RORA: variants seen among roughly 807,000 people sequenced by gnomAD.
The protein encoded by RORA is RAR related orphan receptor A, also known as nuclear receptor ROR-alpha.
A neutral mutation model predicts 69.5 loss-of-function variants in RORA; 7 were observed. The observed-to-expected ratio is 0.10, with a 90% CI of 0.06 to 0.19. RORA has a LOEUF of 0.19. Ranked by LOEUF, RORA falls within the 10% of genes least tolerant of loss-of-function variation. RORA has a pLI of 1.00. For missense variants in RORA, 457 were observed against 663.0 expected (o/e 0.69, Z 3.41); for synonymous variants, 261 against 240.8 (o/e 1.08, Z -0.78).
chr15:60,503,300 A>T (rs1463169618), intron 7 of RORA, among the ~76,000 whole-genome samples: 1 of 152,158 alleles, frequency 6.6e-6, no homozygotes, highest in African/African-American at 2.4e-5. Context: ...AAAATTTGGG[A>T]ATGTAGGTGA....
At chr15:61,040,163 T>TAAAA (rs1381690492) in intron 1 of RORA, among the ~76,000 whole-genome samples, 2 of 108,966 alleles carry the variant, frequency 1.8e-5, no homozygotes, top group East Asian at 5.5e-4. Flanking sequence ...TATATATATA[T>TAAAA]AAAATATATG....
intron 1 of RORA, among the ~76,000 whole-genome samples, chr15:60,948,720 C>G (rs770299752): frequency 7.9e-5 from 12 of 152,184 alleles, no homozygotes; most frequent in Non-Finnish European, 1.8e-4. Context: ...ACATTTGGAT[C>G]TTCCAATTCT....
chr15:60,639,583 C>T (rs2241794), intron 2 of RORA, among the ~76,000 whole-genome samples: 1,534 of 152,204 alleles, frequency 0.01, 40 homozygotes, highest in East Asian at 0.088. Context: ...TGAGAGATTT[C>T]GAACATTGAA....
At chr15:60,885,671 C>T (rs1356626570) in intron 1 of RORA, among the ~76,000 whole-genome samples, 3 of 152,214 alleles carry the variant, frequency 2.0e-5, no homozygotes, top group Non-Finnish European at 4.4e-5. Flanking sequence ...ATCGACAGAA[C>T]ACAACTTGTA....
At position 61,005,955 on chromosome 15, in the gene RORA, GTTTGT is replaced by G. The variant is rs143947688; in HGVS notation, c.166+223093_166+223097del. Among the ~76,000 whole-genome samples, 149 of 151,560 alleles carry G rather than the reference GTTTGT, an allele frequency of 9.8e-4. 1 individual carries two copies. The highest frequency in any genetic ancestry group is 2.1e-3 in the East Asian group (11 of 5,130). ...AGCCATATATATATATTTTTTGTTTGTTTGTTTTGTTTTGTTTTGTTTTGTTTTTT... is the reference window on the plus strand; with the variant it reads ...AGCCATATATATATATTTTTTGTTTGTTTGTTTTGTTTTGTTTTGTTTTTT... On this transcript the variant is annotated intron_variant, in intron 1 of 10. Transcript: ENST00000335670.
Position 60,792,528 on chromosome 15 carries a change from C to T in RORA, c.167-113842G>A, listed in dbSNP as rs1282585229. On this transcript the variant is annotated intron_variant, in intron 1 of 10. Transcript: ENST00000335670. ...CAAACCACAGTCAATTTTCTGAAGT[C>T]GAAAGATAAAGAGAACATCAAAAAA... 3.3e-5 allele frequency among the ~76,000 whole-genome samples: 5 copies of T among 152,032 alleles called. No homozygotes were observed. The East Asian group carries it at 5.8e-4, about 18-fold the overall frequency.
At chr15:60,917,683 T>C (rs1425148450) in intron 1 of RORA, among the ~76,000 whole-genome samples, 1 of 152,228 alleles carries the variant, frequency 6.6e-6, no homozygotes, top group East Asian at 1.9e-4. Flanking sequence ...AGTGTACTCT[T>C]GGCTGATTTA....
Position 60,502,843 on chromosome 15 carries a change from C to T in RORA, c.1100G>A (p.Arg367Lys). 6.2e-7 allele frequency: 1 copy of T among 1,613,620 alleles called. No individual in the cohort carries two copies. Among genetic ancestry groups the T allele is most frequent in the Non-Finnish European group, 8.5e-7 (1 of 1,179,572 alleles). The change falls in exon 8 of 11, where the codon AGA (arginine) becomes AAA (lysine). Residue 367 changes from arginine to lysine, a missense_variant. This residue lies in a region of RORA where 304 missense variants were observed against 447.4 expected (regional missense o/e 0.68). Coordinates refer to ENST00000335670, the MANE Select transcript of RORA (RefSeq NM_134261.3). The stretch of plus-strand genomic sequence containing the variant: ...CTGAGAGTCAAAGGCACGGCACATT[C>T]TGATAAACACCACCTCTAGAGAACC... ...KAGSLEVVFI[R>K]MCRAFDSQNN...
At chr15:60,558,294 A>G in intron 2 of RORA, 1 of 1,611,598 alleles carries the variant, frequency 6.2e-7, no homozygotes, top group Non-Finnish European at 8.5e-7. Context: ...GGAGAATCCC[A>G]AAAAGTTCAT....
Position 60,948,993 on chromosome 15 carries a change from T to C in RORA, c.167-270307A>G, listed in dbSNP as rs559729835. Reference sequence around the variant, plus strand: ...CAAACAGGAAACAGGCAGAGTTGAGTAGAAGTATATTCTGAGCGGTGGACA... The same window carrying C: ...CAAACAGGAAACAGGCAGAGTTGAGCAGAAGTATATTCTGAGCGGTGGACA... On this transcript the variant is annotated intron_variant, in intron 1 of 10. Coordinates refer to ENST00000335670, the MANE Select transcript of RORA (RefSeq NM_134261.3). Among the ~76,000 whole-genome samples the C allele has an allele frequency of 3.3e-5, 5 of 152,260 alleles. 1 individual carries two copies. The highest frequency in any genetic ancestry group is 1.2e-4 in the African/African-American group (5 of 41,548).
chr15:60,505,594 C>G lies in RORA; in HGVS notation c.856G>C (p.Glu286Gln). 1 of 1,613,930 alleles carries G rather than the reference C, an allele frequency of 6.2e-7. No individual in the cohort carries two copies. Among genetic ancestry groups the G allele is most frequent in the Non-Finnish European group, 8.5e-7 (1 of 1,179,900 alleles). ...TCTTCTCTCAAGTATTGGCAGGTTT[C>G]CAGATGCGATTTAGATATATTCTGT... ...LAQNISKSHL[E>Q]TCQYLREELQ... Residue 286 changes from glutamate to glutamine, a missense_variant, in exon 6 of 11, where the codon GAA (glutamate) becomes CAA (glutamine). This residue lies in a region of RORA where 304 missense variants were observed against 447.4 expected (regional missense o/e 0.68). Transcript: ENST00000335670.
intron 2 of RORA, among the ~76,000 whole-genome samples, chr15:60,646,878 G>A (rs961787445): frequency 5.9e-5 from 9 of 152,168 alleles, no homozygotes; most frequent in East Asian, 1.9e-4. Context: ...GATAATGACC[G>A]GCTTCACAGG....
At chr15:61,142,104 C>A (rs1250390068) in intron 1 of RORA, among the ~76,000 whole-genome samples, 2 of 152,110 alleles carry the variant, frequency 1.3e-5, no homozygotes, top group Admixed American at 6.5e-5. Context: ...ATAACAGTAA[C>A]AATCTTAATT....
intron 1 of RORA, among the ~76,000 whole-genome samples, chr15:61,108,957 G>A (rs2078977403): frequency 6.6e-6 from 1 of 152,128 alleles, no homozygotes; most frequent in South Asian, 2.1e-4. Flanking sequence ...CCAGCGCTTT[G>A]GGAGGCCAAG....
At chr15:60,559,159 AATTT>A (rs1294150303) in intron 2 of RORA, among the ~76,000 whole-genome samples, 1 of 152,194 alleles carries the variant, frequency 6.6e-6, no homozygotes, top group African/African-American at 2.4e-5. Flanking sequence ...TTCTCGAAAA[AATTT>A]ATTAGACACT....
intron 1 of RORA, among the ~76,000 whole-genome samples, chr15:61,017,070 T>A (rs1489397025): frequency 6.6e-6 from 1 of 152,154 alleles, no homozygotes; most frequent in African/African-American, 2.4e-5. Context: ...ATAAACAACA[T>A]CCAAACGAAT....
At chr15:60,745,668 C>G (rs2071636964) in intron 1 of RORA, among the ~76,000 whole-genome samples, 1 of 152,222 alleles carries the variant, frequency 6.6e-6, no homozygotes, top group African/African-American at 2.4e-5. Context: ...TGGCCTGTGT[C>G]TAAACCTCTT....
intron 1 of RORA, among the ~76,000 whole-genome samples, chr15:60,791,107 G>C (rs60429076): frequency 6.6e-6 from 1 of 152,072 alleles, no homozygotes; most frequent in Non-Finnish European, 1.5e-5. Context: ...AGAATCAAAC[G>C]TACATAAAAC....
chr15:60,943,939 AAG>A (rs1555396327), intron 1 of RORA, among the ~76,000 whole-genome samples: 88 of 143,150 alleles, frequency 6.1e-4, no homozygotes, highest in Non-Finnish European at 1.1e-3. Flanking sequence ...AAAAAAAAAA[AAG>A]TGAGTAATGG....
Sources: gnomAD v4.1 joint callset for allele counts (sites outside exome capture counted in the v4.1 genomes callset) on GRCh38, gnomAD v4.1.1 for gene constraint, gnomAD v4.1.1 regional missense constraint, MANE v1.5 for transcripts, NCBI Gene and HGNC (gene_info 2026-07-23, HGNC 2026-07-21) for gene names.